The following RADX variants were observed in gnomAD, a reference collection of about 807,000 sequenced individuals.
RADX encodes RPA-related protein RADX.
A neutral mutation model predicts 61.6 loss-of-function variants in RADX; 36 were observed. The ratio of observed to expected loss-of-function variants is 0.58; its 90% CI spans 0.45 to 0.77. The LOEUF is 0.77. RADX is among the 30% of genes least tolerant of loss of function. RADX has a pLI of 0.00. For synonymous variants in RADX, 272 were observed against 237.9 expected, an observed-to-expected ratio of 1.14 and a Z score of -1.32; for missense variants, 497 against 651.1, an observed-to-expected ratio of 0.76 and a Z score of 2.58.
chrX:106,655,670 C>G (rs1251894181), intron 11 of RADX, among the ~76,000 whole-genome samples: 2 of 111,012 alleles, frequency 1.8e-5, no homozygotes, highest in Admixed American at 1.9e-4. Flanking sequence ...AGGACATGAA[C>G]TCATCCTTTT....
chrX:106,630,397 C>T (rs1395808112), intron 3 of RADX, among the ~76,000 whole-genome samples: 1 of 106,928 alleles, frequency 9.4e-6, no homozygotes, highest in African/African-American at 3.4e-5. Context: ...CAAAACCAAA[C>T]GGCAAACACA....
At position 106,633,085 on chromosome X, in the gene RADX, T is replaced by C. The variant is rs752223373; in HGVS notation, c.1181-45T>C. The C allele has an allele frequency of 2.6e-6, 3 of 1,158,690 alleles. No individual in the cohort carries two copies. In the African/African-American group the frequency reaches 5.3e-5, roughly 20 times the overall value. On this transcript the variant is annotated intron_variant, in intron 5 of 13. Transcript: ENST00000372548. ...CAGTGAATAATTTTGTGTTCATATG[T>C]ATATAACAGTTACCTTCATTTATTT...
At chrX:106,652,080 T>C (rs994731263) in intron 11 of RADX, among the ~76,000 whole-genome samples, 2 of 110,908 alleles carry the variant, frequency 1.8e-5, no homozygotes, top group African/African-American at 6.6e-5. Flanking sequence ...TTATCAACAA[T>C]TTCAATAAAT....
At position 106,637,918 on chromosome X, in the gene RADX, A is replaced by G; in HGVS notation, c.1567A>G (p.Ile523Val). Reference protein sequence around the residue: ...PETFSKYSSSIKVESLLTAIS... With the variant: ...PETFSKYSSSVKVESLLTAIS... ...GACATTTTCCAAGTATAGTAGTTCT[A>G]TTAAAGGTACTAATGTAATTGCCAG... The change falls in exon 8 of 14, where the codon ATT becomes GTT. Residue 523 changes from isoleucine to valine, a missense_variant. Around this residue, in one of 3 missense-constraint regions of RADX, gnomAD observed 267 missense variants for 306.9 expected, o/e 0.87. Coordinates refer to ENST00000372548, the MANE Select transcript of RADX (RefSeq NM_018015.6). 1 of 1,198,182 alleles carries G rather than the reference A, an allele frequency of 8.3e-7. No homozygotes were observed. Among genetic ancestry groups the G allele is most frequent in the South Asian group, 1.8e-5 (1 of 56,595 alleles).
intron 6 of RADX, among the ~76,000 whole-genome samples, chrX:106,634,414 G>A (rs892766127): frequency 9.0e-6 from 1 of 111,298 alleles, no homozygotes; most frequent in African/African-American, 3.3e-5. Context: ...GATTACAGGC[G>A]TGAGCCACTG....
At chrX:106,675,747 G>A (rs1928491314) in intron 13 of RADX, among the ~76,000 whole-genome samples, 1 of 112,084 alleles carries the variant, frequency 8.9e-6, no homozygotes, top group African/African-American at 3.2e-5. Context: ...AATTTAAAAT[G>A]AACCGAAGAG....
At chrX:106,654,438 C>T in intron 11 of RADX, among the ~76,000 whole-genome samples, 1 of 110,932 alleles carries the variant, frequency 9.0e-6, no homozygotes, top group Non-Finnish European at 1.9e-5. Context: ...ACAGAGGCCT[C>T]AGAAATAACA....
intron 1 of RADX, among the ~76,000 whole-genome samples, chrX:106,621,918 T>C (rs1433218742): frequency 9.8e-6 from 1 of 102,223 alleles, no homozygotes; most frequent in African/African-American, 4.2e-5. Context: ...AATAAAACAA[T>C]TCTATGGTTT....
At chrX:106,652,695 GCA>G (rs112557092) in intron 11 of RADX, among the ~76,000 whole-genome samples, 2,210 of 96,696 alleles carry the variant, frequency 0.023, 56 homozygotes, top group Admixed American at 0.099. Flanking sequence ...ATCATTAAAT[GCA>G]CACACACACA....
In RADX at chrX:106,674,752, G is replaced by A. The variant is rs1030997000; in HGVS notation, c.2438-3376G>A. 1.1e-4 allele frequency among the ~76,000 whole-genome samples: 12 copies of A among 111,717 alleles called. No individual in the cohort carries two copies. In the East Asian group the frequency reaches 1.4e-3, roughly 13 times the overall value. ...ATGAGATAGGGATCTTTGGCCAGGC[G>A]CGGTGGCTCACGCCTGTACTCCCAG... On this transcript the variant is annotated intron_variant, in intron 13 of 13. Coordinates refer to ENST00000372548, the MANE Select transcript of RADX (RefSeq NM_018015.6).
At chrX:106,665,283 T>C (rs1192358274) in intron 12 of RADX, among the ~76,000 whole-genome samples, 1 of 111,893 alleles carries the variant, frequency 8.9e-6, no homozygotes, top group Non-Finnish European at 1.9e-5. Context: ...AGTAAATGTT[T>C]GAGGTTTTAC....
chrX:106,621,440 A>G (rs1393800458), intron 1 of RADX, among the ~76,000 whole-genome samples: 3 of 112,192 alleles, frequency 2.7e-5, no homozygotes. Flanking sequence ...ACTAATGCAG[A>G]TTCAAGTCTT....
At chrX:106,666,842 G>A (rs1928239351) in intron 12 of RADX, among the ~76,000 whole-genome samples, 1 of 112,051 alleles carries the variant, frequency 8.9e-6, no homozygotes, top group South Asian at 3.7e-4. Flanking sequence ...GGTTTGTACA[G>A]GATATTTGTG....
intron 11 of RADX, among the ~76,000 whole-genome samples, chrX:106,660,430 T>C (rs924541151): frequency 8.9e-6 from 1 of 112,202 alleles, no homozygotes; most frequent in African/African-American, 3.2e-5. Flanking sequence ...CCAGCTAGGC[T>C]TAAGAAACCA....
rs1030774991 is a variant in RADX, at chrX:106,650,006, T to G, written c.1978+1620T>G. 2.7e-5 allele frequency among the ~76,000 whole-genome samples: 3 copies of G among 111,553 alleles called. No individual in the cohort carries two copies. In the Admixed American group the frequency reaches 2.9e-4, roughly 11 times the overall value. ...GACATCTCAGAACTAGATAGAGACC[T>G]TAATTTTCATGGGCTGAGAGGTATA... On this transcript the variant is annotated intron_variant, in intron 11 of 13. Coordinates refer to ENST00000372548, the MANE Select transcript of RADX (RefSeq NM_018015.6).
chrX:106,641,737 A>G (rs1433921049), intron 10 of RADX, among the ~76,000 whole-genome samples: 5 of 111,607 alleles, frequency 4.5e-5, no homozygotes, highest in East Asian at 2.8e-4. Context: ...AACCAAGGAA[A>G]TGAACCCACC....
rs1280085842 is a variant in RADX, at chrX:106,678,731, A to G, written c.*473A>G. 1.8e-5 allele frequency: 2 copies of G among 112,531 alleles called. No homozygotes were observed. Among genetic ancestry groups the G allele is most frequent in the African/African-American group, 6.5e-5 (2 of 30,893 alleles). 9.3% of individuals were successfully genotyped at this position (112,531 alleles called of 1,213,427 possible). A position where few individuals can be genotyped will look rare whatever the true frequency, so the allele number is the denominator to read the frequency against. On this transcript the variant is annotated 3_prime_UTR_variant, in exon 14 of 14. Transcript: ENST00000372548. Reference sequence around the variant, plus strand: ...AACCTGCACTTCTTACAACCAAGGTAGTTTGTATCATTTTCAAAAGTACAC... The same window carrying G: ...AACCTGCACTTCTTACAACCAAGGTGGTTTGTATCATTTTCAAAAGTACAC...
intron 6 of RADX, among the ~76,000 whole-genome samples, chrX:106,634,627 C>T (rs1927318298): frequency 9.0e-6 from 1 of 111,318 alleles, no homozygotes; most frequent in Non-Finnish European, 1.9e-5. Flanking sequence ...CTGAATAGAA[C>T]CAAACCTCAC....
At chrX:106,641,342 A>G (rs1415496512) in intron 10 of RADX, among the ~76,000 whole-genome samples, 1 of 110,287 alleles carries the variant, frequency 9.1e-6, no homozygotes, top group Middle Eastern at 4.2e-3. Context: ...ACATCCCCAA[A>G]AGTCTTATCC....
Sources: allele counts gnomAD v4.1 joint callset (sites outside exome capture counted in the v4.1 genomes callset), GRCh38; gene constraint gnomAD v4.1.1; regional missense constraint gnomAD v4.1.1; transcripts MANE v1.5; gene names NCBI Gene and HGNC (gene_info 2026-07-23, HGNC 2026-07-21).